The following CNBD1 variants were observed in gnomAD, a reference collection of about 807,000 sequenced individuals.
CNBD1 encodes cyclic nucleotide binding domain containing 1.
A neutral mutation model predicts 54.4 loss-of-function variants in CNBD1; 71 were observed. The ratio of observed to expected loss-of-function variants is 1.30; its 90% CI spans 1.08 to 1.59. CNBD1 has a LOEUF of 1.59. CNBD1 is among the 40% of genes most tolerant of loss of function. The probability of loss-of-function intolerance (pLI) is 0.00; values close to 1 mark genes in which losing one functional copy is unlikely to be tolerated. For synonymous variants in CNBD1, 182 were observed against 170.7 expected (o/e 1.07, Z -0.51); for missense variants, 659 against 518.0 (o/e 1.27, Z -2.64).
At chr8:86,869,646 A>G (rs2453436) in intron 1 of CNBD1, among the ~76,000 whole-genome samples, 105,030 of 152,030 alleles carry the variant, frequency 0.69, 36,871 homozygotes, top group African/African-American at 0.8. Context: ...GCTAACCTTA[A>G]GGGAGGAATG....
intron 4 of CNBD1, among the ~76,000 whole-genome samples, chr8:87,126,105 T>C (rs548242746): frequency 6.6e-6 from 1 of 152,086 alleles, no homozygotes; most frequent in East Asian, 1.9e-4. Context: ...GTTTATAGTT[T>C]CTGGCTATTA....
chr8:87,214,608 C>T (rs568077616), intron 5 of CNBD1, among the ~76,000 whole-genome samples: 13 of 152,240 alleles, frequency 8.5e-5, no homozygotes, highest in African/African-American at 2.9e-4. Flanking sequence ...TTAGTCTGTT[C>T]TTAAGCTGCT....
intron 4 of CNBD1, among the ~76,000 whole-genome samples, chr8:87,023,952 A>G (rs1809543074): frequency 6.6e-6 from 1 of 152,148 alleles, no homozygotes; most frequent in South Asian, 2.1e-4. Flanking sequence ...AAAGAGACCT[A>G]GCCGGCCAGG....
At chr8:87,074,358 G>A (rs566652369) in intron 4 of CNBD1, among the ~76,000 whole-genome samples, 1 of 152,262 alleles carries the variant, frequency 6.6e-6, no homozygotes, top group South Asian at 2.1e-4. Context: ...AACTTGTGAG[G>A]TGCTGTGAAA....
At chr8:87,317,653 T>C (rs901360079) in intron 8 of CNBD1, among the ~76,000 whole-genome samples, 40 of 152,090 alleles carry the variant, frequency 2.6e-4, no homozygotes, top group African/African-American at 9.4e-4. Context: ...TAGACTTGTG[T>C]TATGGCTCAG....
intron 4 of CNBD1, among the ~76,000 whole-genome samples, chr8:87,173,610 A>G (rs1813136968): frequency 6.6e-6 from 1 of 151,774 alleles, no homozygotes; most frequent in African/African-American, 2.4e-5. Context: ...TCATACCTGT[A>G]AGGTTTCCAC....
chr8:87,343,604 C>T (rs1810112580), intron 8 of CNBD1, among the ~76,000 whole-genome samples: 2 of 152,132 alleles, frequency 1.3e-5, no homozygotes, highest in African/African-American at 2.4e-5. Context: ...GTTGTTTAGG[C>T]TTTCAATTAA....
chr8:87,053,931 C>A (rs1410502000), intron 4 of CNBD1, among the ~76,000 whole-genome samples: 2 of 152,292 alleles, frequency 1.3e-5, no homozygotes, highest in East Asian at 3.9e-4. Flanking sequence ...GATGCCATTG[C>A]AATTGGATGC....
intron 6 of CNBD1, among the ~76,000 whole-genome samples, chr8:87,277,501 G>A (rs1047958158): frequency 2.0e-5 from 3 of 151,808 alleles, no homozygotes; most frequent in African/African-American, 7.2e-5. Flanking sequence ...CACATAAAAT[G>A]AACCATCACA....
intron 10 of CNBD1, among the ~76,000 whole-genome samples, chr8:87,374,783 G>A (rs1026193581): frequency 4.6e-5 from 7 of 150,850 alleles, no homozygotes; most frequent in African/African-American, 1.2e-4. Context: ...CCTAGACCTT[G>A]GAATTCTTTT....
chr8:87,374,562 A>G (rs779361197), intron 10 of CNBD1, among the ~76,000 whole-genome samples: 66 of 151,818 alleles, frequency 4.3e-4, no homozygotes, highest in Non-Finnish European at 6.3e-4. Context: ...TAGAGACTGA[A>G]CAACTCTCTC....
At chr8:87,181,217 A>C (rs1010479939) in intron 4 of CNBD1, among the ~76,000 whole-genome samples, 2 of 152,198 alleles carry the variant, frequency 1.3e-5, no homozygotes, top group Non-Finnish European at 2.9e-5. Context: ...CCTTTTTAAA[A>C]ATATATTTTC....
At chr8:87,404,228 G>A (rs1807616545) in intron 2 of CNBD1, among the ~76,000 whole-genome samples, 2 of 152,000 alleles carry the variant, frequency 1.3e-5, no homozygotes, top group Admixed American at 1.3e-4. Context: ...TTGTTCAAAA[G>A]TTGGAACAGC....
In CNBD1 at chr8:87,239,269, A is replaced by G. The variant is rs182020608; in HGVS notation, c.771+2157A>G. On this transcript the variant is annotated intron_variant, in intron 6 of 10. Transcript: ENST00000518476. Reference sequence around the variant, plus strand: ...ATGATTACTGATAAACTTATTTCACATTGCTAAAAATTTAAAGTATCCTTG... The same window carrying G: ...ATGATTACTGATAAACTTATTTCACGTTGCTAAAAATTTAAAGTATCCTTG... Among the ~76,000 whole-genome samples the G allele has an allele frequency of 7.3e-4, 111 of 152,294 alleles. No individual in the cohort carries two copies. In the Middle Eastern group the frequency reaches 0.017, roughly 23 times the overall value.
At chr8:87,136,324 T>C (rs1274457757) in intron 4 of CNBD1, among the ~76,000 whole-genome samples, 3 of 151,128 alleles carry the variant, frequency 2.0e-5, no homozygotes, top group African/African-American at 7.3e-5. Flanking sequence ...AAAATACTAA[T>C]ATGAAATGTG....
chr8:87,290,383 T>A (rs1050236097), intron 8 of CNBD1, among the ~76,000 whole-genome samples: 4 of 152,128 alleles, frequency 2.6e-5, no homozygotes, highest in Admixed American at 6.6e-5. Flanking sequence ...ATCAGTTTTC[T>A]CCCACCTGCT....
chr8:87,008,837 T>TA lies in CNBD1; in HGVS notation c.431+69090dup, dbSNP rs554986128. On this transcript the variant is annotated intron_variant, in intron 4 of 10. Coordinates refer to ENST00000518476, the MANE Select transcript of CNBD1 (RefSeq NM_173538.3). The stretch of plus-strand genomic sequence containing the variant: ...AAATAAAACATTCTATTCATATTGC[T>TA]AAAAAAAGTAGTTTGCTTGGGTACA... Among the ~76,000 whole-genome samples the TA allele has an allele frequency of 1.5e-3, 230 of 152,278 alleles. 3 individuals are homozygous for TA. The Middle Eastern group carries it at 0.02, about 14-fold the overall frequency.
chr8:86,930,792 T>G (rs1195236462), intron 3 of CNBD1, among the ~76,000 whole-genome samples: 4 of 152,206 alleles, frequency 2.6e-5, no homozygotes, highest in Admixed American at 2.6e-4. Flanking sequence ...ACTCCTGCAT[T>G]TTCTTACTAA....
chr8:87,084,682 CT>C (rs1350319178), intron 4 of CNBD1, among the ~76,000 whole-genome samples: 59 of 144,392 alleles, frequency 4.1e-4, no homozygotes, highest in Admixed American at 4.2e-4. Flanking sequence ...TTTTTCTTTT[CT>C]TTTTTTTTTT....
Sources: allele counts gnomAD v4.1 joint callset (sites outside exome capture counted in the v4.1 genomes callset), GRCh38; gene constraint gnomAD v4.1.1; transcripts MANE v1.5; gene names NCBI Gene and HGNC (gene_info 2026-07-23, HGNC 2026-07-21).